The following BTNL2 variants were observed in gnomAD, a reference collection of about 807,000 sequenced individuals.
The protein encoded by BTNL2 is butyrophilin-like protein 2.
A neutral mutation model predicts 46.8 loss-of-function variants in BTNL2; 46 were observed. The observed-to-expected ratio is 0.98, with a 90% CI of 0.78 to 1.26. The LOEUF (loss-of-function observed/expected upper bound fraction) is 1.26, where lower values mean the gene tolerates loss of function less well. Among genes scored for constraint, BTNL2 ranks in the 50% most tolerant of loss-of-function variants. BTNL2 has a pLI of 0.00. For missense variants in BTNL2, 461 were observed against 592.6 expected, an observed-to-expected ratio of 0.78 and a Z score of 2.31; for synonymous variants, 226 against 229.1, an observed-to-expected ratio of 0.99 and a Z score of 0.12.
chr6:32,404,813 G>T, intron 2 of BTNL2, 126 bp downstream of exon 2: 1 of 884,052 alleles, frequency 1.1e-6, no homozygotes. Flanking sequence ...AATCAATCAG[G>T]GTAGAGGACT....
At position 32,396,343 on chromosome 6, in the gene BTNL2, T is replaced by A; in HGVS notation, c.774A>T (p.Arg258Ser). 1.2e-6 allele frequency: 2 copies of A among 1,612,700 alleles called. No homozygotes were observed. The highest frequency in any genetic ancestry group is 1.7e-6 in the Non-Finnish European group (2 of 1,179,734). ...VNGPSQPILV[R>S]VGEDIQLTCY... Reference sequence around the variant, plus strand: ...AGGTTAGCTGTATATCTTCTCCCACTCTGACGAGGATGGGCTGGGAAGGTC... The same window carrying A: ...AGGTTAGCTGTATATCTTCTCCCACACTGACGAGGATGGGCTGGGAAGGTC... Residue 258 changes from arginine (R) to serine (S), a missense_variant, in exon 5 of 8, where the codon AGA becomes AGT. Transcript: ENST00000454136. This position sits in a 1 kb window ranked among gnomAD's most constrained non-coding sequence, Gnocchi z 4.4.
At position 32,407,176 on chromosome 6, in the gene BTNL2, A is replaced by G; in HGVS notation, c.-53T>C. The G allele has an allele frequency of 6.9e-7, 1 of 1,447,070 alleles. No individual in the cohort carries two copies. Among genetic ancestry groups the G allele is most frequent in the African/African-American group, 1.4e-5 (1 of 71,670 alleles). 89.6% of individuals were successfully genotyped at this position (1,447,070 alleles called of 1,614,324 possible). ...CTGTGCCTAAGTGAGGCTGTGACAC[A>G]CCCGGCACACTCCATGGCTTCCATT... On this transcript the variant is annotated 5_prime_UTR_variant, in exon 1 of 8. Transcript: ENST00000454136.
At chr6:32,405,429 T>A in intron 1 of BTNL2, 143 bp from the exon 2 acceptor site, 1 of 842,460 alleles carries the variant, frequency 1.2e-6, no homozygotes, top group Non-Finnish European at 1.9e-6. Context: ...TCCAGCATGA[T>A]GATTTGCACA....
In BTNL2 at chr6:32,394,970, C is replaced by T; in HGVS notation, c.1134G>A (p.Gln378=). The change falls in exon 6 of 8, where the codon CAG becomes CAA. Residue 378 remains glutamine (Q), a synonymous_variant. Transcript: ENST00000454136. This position sits in a 1 kb window ranked among gnomAD's most constrained non-coding sequence, Gnocchi z 4.6. ...ACCACCCATCTGAAGAGCACATCGGCTGCATTTCTCCATCTTCTTGCCCCT... is the reference window on the plus strand; with the variant it reads ...ACCACCCATCTGAAGAGCACATCGGTTGCATTTCTCCATCTTCTTGCCCCT... The part of the protein sequence containing the change: ...TVEGQEDGEM[Q]PMCSSDGWFP... 1.2e-6 allele frequency: 2 copies of T among 1,612,956 alleles called. No individual in the cohort carries two copies. The highest frequency in any genetic ancestry group is 1.7e-6 in the Non-Finnish European group (2 of 1,179,192).
chr6:32,396,087 C>CAA lies in BTNL2; in HGVS notation c.1028_1029dup (p.Glu344LeufsTer14), dbSNP rs1776428940. Reference sequence around the variant, plus strand: ...GCCTCCTGGTAGACATCATCTTTTTCAAAAAGGCAGCGGTACTGCCCGTCG... The same window carrying CAA: ...GCCTCCTGGTAGACATCATCTTTTTCAAAAAAAGGCAGCGGTACTGCCCGTCG... On this transcript the variant is annotated frameshift_variant, in exon 5 of 8. Transcript: ENST00000454136. LOFTEE classifies it high-confidence loss of function. The surrounding 1 kb of genome is among the most constrained non-coding windows in gnomAD (Gnocchi z 4.4). 1.2e-6 allele frequency: 2 copies of CAA among 1,612,756 alleles called. No homozygotes were observed. Among genetic ancestry groups the CAA allele is most frequent in the Admixed American group, 1.7e-5 (1 of 59,964 alleles).
chr6:32,402,168 A>C (rs1350815736), intron 3 of BTNL2, among the ~76,000 whole-genome samples: 1 of 152,252 alleles, frequency 6.6e-6, no homozygotes, highest in East Asian at 1.9e-4. Flanking sequence ...TACAAAGTAG[A>C]GAGACGAATT....
At chr6:32,403,884 T>G (rs1018320289) in intron 2 of BTNL2, 4 of 152,360 alleles carry the variant, frequency 2.6e-5, no homozygotes, top group African/African-American at 9.6e-5. Flanking sequence ...ACACCCAAAC[T>G]AAGGGGACTA....
chr6:32,395,962 AG>A lies in BTNL2; in HGVS notation c.1078+76del, dbSNP rs1445376141. ...GCATTAAGAAAATTTCAAATGTCAG[AG>A]AAATTGTCCAGGAACTAGCATATTA... is the stretch of plus-strand genomic sequence containing the variant. On this transcript the variant is annotated intron_variant, in intron 5 of 7. Coordinates refer to ENST00000454136, the MANE Select transcript of BTNL2 (RefSeq NM_001304561.2). 137 of 1,201,958 alleles carry A rather than the reference AG, an allele frequency of 1.1e-4. 2 individuals are homozygous for A. In the East Asian group the frequency reaches 3.2e-3, roughly 28 times the overall value. The allele number at this position is 1,201,958 out of a possible 1,614,324, so 74.5% of individuals were successfully genotyped here.
Position 32,403,023 on chromosome 6 carries a change from C to T in BTNL2, c.621G>A (p.Val207=). Residue 207 remains valine (V), a synonymous_variant, in exon 3 of 8, where the codon GTG becomes GTA. Transcript: ENST00000454136. ...CAGACTCTGCAGAGGCGTTCCTGAC[C>T]ACCAGGGTGGCTTCCGCATAGAACA... ...DGLFYAEATL[V]VRNASAESVS... 6.2e-7 allele frequency: 1 copy of T among 1,612,870 alleles called. No homozygotes were observed. Among genetic ancestry groups the T allele is most frequent in the Non-Finnish European group, 8.5e-7 (1 of 1,179,926 alleles).
chr6:32,406,980 C>T, intron 1 of BTNL2, 65 bp downstream of exon 1: 1 of 1,492,970 alleles, frequency 6.7e-7, no homozygotes, highest in Non-Finnish European at 9.3e-7. Context: ...TTGTTCTCGA[C>T]CTTTGGACCC....
chr6:32,394,729 T>G lies in BTNL2; in HGVS notation c.1360+15A>C. 6.2e-7 allele frequency: 1 copy of G among 1,605,954 alleles called. No individual in the cohort carries two copies. The highest frequency in any genetic ancestry group is 8.5e-7 in the Non-Finnish European group (1 of 1,174,362). ...TTTATTTTCCAAACCTGAAGGAACA[T>G]AAGGAATCACCAACCTGAGAGAGAA... On this transcript the variant is annotated intron_variant, in intron 6 of 7. Coordinates refer to ENST00000454136, the MANE Select transcript of BTNL2 (RefSeq NM_001304561.2). This position sits in a 1 kb window ranked among gnomAD's most constrained non-coding sequence, Gnocchi z 4.6.
chr6:32,397,688 C>T (rs954326926), intron 4 of BTNL2, among the ~76,000 whole-genome samples: 6 of 152,152 alleles, frequency 3.9e-5, no homozygotes, highest in African/African-American at 1.4e-4. Context: ...AAATAGTTTG[C>T]ATTAAGTGCC....
intron 2 of BTNL2, among the ~76,000 whole-genome samples, chr6:32,403,420 T>A (rs1410499103): frequency 6.6e-6 from 1 of 152,182 alleles, no homozygotes; most frequent in Admixed American, 6.5e-5. Flanking sequence ...CATTTTAGCA[T>A]CTGACCAGTA....
At chr6:32,404,513 A>G (rs749401969) in intron 2 of BTNL2, among the ~76,000 whole-genome samples, 1 of 152,230 alleles carries the variant, frequency 6.6e-6, no homozygotes, top group Non-Finnish European at 1.5e-5. Context: ...AGGGCATTTC[A>G]CAAGGAAAGA....
chr6:32,403,197 G>A lies in BTNL2; in HGVS notation c.447C>T (p.Ser149=). The A allele has an allele frequency of 1.9e-6, 3 of 1,608,452 alleles. No individual in the cohort carries two copies. Among genetic ancestry groups the A allele is most frequent in the Non-Finnish European group, 2.5e-6 (3 of 1,178,204 alleles). Residue 149 remains serine (S), a synonymous_variant, in exon 3 of 8, where the codon AGC becomes AGT. Coordinates refer to ENST00000454136, the MANE Select transcript of BTNL2 (RefSeq NM_001304561.2). The stretch of plus-strand genomic sequence containing the variant: ...TCTCCCCAGGTCCCTCCATGTGGAT[G>A]CTAGGGGCAGACCCCAGACCTGCAG... ...LKVAGLGSAP[S]IHMEGPGESG...
chr6:32,395,658 A>C (rs1776402975), intron 5 of BTNL2, among the ~76,000 whole-genome samples: 1 of 152,200 alleles, frequency 6.6e-6, no homozygotes, highest in South Asian at 2.1e-4. Context: ...TTTGGTTTAC[A>C]CAGTGGATCC....
At chr6:32,402,443 C>A (rs1776841371) in intron 3 of BTNL2, among the ~76,000 whole-genome samples, 1 of 146,822 alleles carries the variant, frequency 6.8e-6, no homozygotes, top group South Asian at 2.6e-4. Flanking sequence ...TTAAAAATAT[C>A]TTTTTATTAA....
intron 1 of BTNL2, chr6:32,405,502 G>A: frequency 6.2e-6 from 4 of 640,400 alleles, no homozygotes; most frequent in Non-Finnish European, 1.1e-5. Context: ...ATGTGGGTGA[G>A]GTTGCTGTCT....
chr6:32,400,746 A>AAAAATAC lies in BTNL2; in HGVS notation c.730+1038_730+1039insGTATTTT, dbSNP rs1491381074. Among the ~76,000 whole-genome samples, 26 of 93,640 alleles carry AAAAATAC rather than the reference A, an allele frequency of 2.8e-4. 1 individual carries two copies. The highest frequency in any genetic ancestry group is 4.2e-4 in the Non-Finnish European group (19 of 45,376). 61.4% of individuals were successfully genotyped at this position (93,640 alleles called of 152,430 possible). A position where few individuals can be genotyped will look rare whatever the true frequency, so the allele number is the denominator to read the frequency against. On this transcript the variant is annotated intron_variant, in intron 4 of 7. Coordinates refer to ENST00000454136, the MANE Select transcript of BTNL2 (RefSeq NM_001304561.2). Reference sequence around the variant, plus strand: ...AACATGGTGAAACCCCGTCTCTACTAAAAAAAAAAAAAAAAAATTAGCTGG... The same window carrying AAAAATAC: ...AACATGGTGAAACCCCGTCTCTACTAAAAATACAAAAAAAAAAAAAAAAATTAGCTGG...
Sources: allele counts gnomAD v4.1 joint callset (sites outside exome capture counted in the v4.1 genomes callset), GRCh38; gene constraint gnomAD v4.1.1; non-coding constraint Gnocchi (gnomAD v3.1); transcripts MANE v1.5; gene names NCBI Gene and HGNC (gene_info 2026-07-23, HGNC 2026-07-21).